The following COL4A2 variants were observed in gnomAD, a reference collection of about 807,000 sequenced individuals.
COL4A2 encodes collagen alpha-2(IV) chain.
In COL4A2, 99 loss-of-function variants were observed where a neutral mutation model predicts 200.2. The observed-to-expected ratio is 0.49, with a 90% confidence interval of 0.42 to 0.58. The LOEUF is 0.58. COL4A2 is among the 20% of genes least tolerant of loss of function. The pLI, the probability that COL4A2 is intolerant of heterozygous loss-of-function variation, is 0.00. For synonymous variants in COL4A2, 897 were observed against 900.6 expected, an observed-to-expected ratio of 1.00 and a Z score of 0.07; for missense variants, 1,950 against 2,314.1, an observed-to-expected ratio of 0.84 and a Z score of 3.23.
intron 3 of COL4A2, among the ~76,000 whole-genome samples, chr13:110,313,954 G>C (rs1218069358): frequency 1.3e-5 from 2 of 152,228 alleles, no homozygotes; most frequent in Admixed American, 6.5e-5. Flanking sequence ...GTCTTCTGTT[G>C]CCTTGGATGA....
rs1156698492 is a variant in COL4A2 at position 110,508,006 on chromosome 13, TA to T, written c.4667del (p.Tyr1556SerfsTer20). ...GTACTGCAACCCTGGTGATGTCTGC[TA>T]CTATGCCAGCCGGAACGACAAGTCC... ...FLYCNPGDVCYYASRNDKSYW... is the reference protein window; with the variant it reads ...FLYCNPGDVCXYASRNDKSYW... On this transcript the variant is annotated frameshift_variant, in exon 47 of 48. Transcript: ENST00000360467. LOFTEE classifies it high-confidence loss of function. This position sits in a 1 kb window ranked among gnomAD's most constrained non-coding sequence, Gnocchi z 6.1. 1 of 1,614,226 alleles carries T rather than the reference TA, an allele frequency of 6.2e-7. No individual in the cohort carries two copies. Among genetic ancestry groups the T allele is most frequent in the Admixed American group, 1.7e-5 (1 of 60,028 alleles).
chr13:110,370,513 C>G (rs1331329624), intron 4 of COL4A2, among the ~76,000 whole-genome samples: 1 of 152,166 alleles, frequency 6.6e-6, no homozygotes, highest in Non-Finnish European at 1.5e-5. Flanking sequence ...CCTTGGCCTC[C>G]CAAAGTGCTG....
chr13:110,473,302 C>T (rs1882554626), intron 29 of COL4A2, 152 bp downstream of exon 29: 1 of 669,514 alleles, frequency 1.5e-6, no homozygotes, highest in Non-Finnish European at 2.4e-6. Flanking sequence ...TCCAGCACTC[C>T]TTTAGAATGT....
chr13:110,405,341 C>T (rs895728614), intron 4 of COL4A2, among the ~76,000 whole-genome samples: 3 of 152,066 alleles, frequency 2.0e-5, no homozygotes, highest in Non-Finnish European at 4.4e-5. Flanking sequence ...AAGGGTGGGA[C>T]TCATGATGTG....
chr13:110,459,139 C>T (rs183130489), intron 22 of COL4A2: 114 of 484,434 alleles, frequency 2.4e-4, no homozygotes, highest in African/African-American at 2.0e-3. Context: ...AGGGGCGCTG[C>T]TGTGGGAACC....
intron 6 of COL4A2, among the ~76,000 whole-genome samples, chr13:110,426,087 G>A (rs1271504880): frequency 6.6e-6 from 1 of 152,114 alleles, no homozygotes; most frequent in African/African-American, 2.4e-5. Flanking sequence ...CTTGAGAAAT[G>A]GACAGAAATG....
Position 110,482,531 on chromosome 13 carries a change from C to G in COL4A2, c.2774C>G (p.Pro925Arg), listed in dbSNP as rs1178852607. 5 of 1,614,048 alleles carry G rather than the reference C, an allele frequency of 3.1e-6. No individual in the cohort carries two copies. The African/African-American group carries it at 6.7e-5, about 22-fold the overall frequency. ...TCCTCTGAAGGAGATAGAGGCTCAC[C>G]TGGGATGGATGGTTTCCAAGGCATG... Reference protein sequence around the residue: ...TPGLKGDRGSPGMDGFQGMPG... With the variant: ...TPGLKGDRGSRGMDGFQGMPG... Residue 925 changes from proline to arginine, a missense_variant, in exon 32 of 48, where the codon CCT becomes CGT. By Grantham distance (103) the Pro-to-Arg change is moderately radical. Around this residue, in one of 2 missense-constraint regions of COL4A2, gnomAD observed 1,385 missense variants for 1,720.5 expected, o/e 0.80. Transcript: ENST00000360467.
chr13:110,350,611 G>A (rs1004045613), intron 3 of COL4A2, among the ~76,000 whole-genome samples: 1 of 152,204 alleles, frequency 6.6e-6, no homozygotes, highest in African/African-American at 2.4e-5. Context: ...CCAGGGTGAT[G>A]GTTCAGTGGT....
chr13:110,408,926 C>T (rs1051487789), intron 4 of COL4A2, among the ~76,000 whole-genome samples: 1 of 57,498 alleles, frequency 1.7e-5, no homozygotes, highest in Non-Finnish European at 3.6e-5. Flanking sequence ...TGCACACACA[C>T]GTACACACGC....
At chr13:110,371,338 T>C (rs1878000102) in intron 4 of COL4A2, among the ~76,000 whole-genome samples, 1 of 152,260 alleles carries the variant, frequency 6.6e-6, no homozygotes, top group South Asian at 2.1e-4. Flanking sequence ...TGTATGTGTG[T>C]GTGCATGTAC....
At chr13:110,397,283 G>T (rs1879213307) in intron 4 of COL4A2, among the ~76,000 whole-genome samples, 2 of 152,218 alleles carry the variant, frequency 1.3e-5, no homozygotes, top group African/African-American at 2.4e-5. Flanking sequence ...GTCTAACAGG[G>T]AAGTGGTTTG....
intron 3 of COL4A2, among the ~76,000 whole-genome samples, chr13:110,334,378 C>T (rs1258631505): frequency 1.1e-4 from 16 of 152,236 alleles, no homozygotes; most frequent in Non-Finnish European, 2.9e-5. Context: ...CTGCACGATG[C>T]CCTAAGGATT....
At chr13:110,395,759 A>G (rs940923650) in intron 4 of COL4A2, among the ~76,000 whole-genome samples, 1 of 152,132 alleles carries the variant, frequency 6.6e-6, no homozygotes, top group African/African-American at 2.4e-5. Context: ...AGCCTGGCCA[A>G]TATGACGAAA....
chr13:110,317,834 A>G (rs1014526983), intron 3 of COL4A2, among the ~76,000 whole-genome samples: 1 of 152,176 alleles, frequency 6.6e-6, no homozygotes, highest in Non-Finnish European at 1.5e-5. Flanking sequence ...TAATTTAGAG[A>G]AAGACTTACT....
chr13:110,363,844 T>C (rs1877627036), intron 4 of COL4A2, among the ~76,000 whole-genome samples: 1 of 152,186 alleles, frequency 6.6e-6, no homozygotes. Context: ...TGTGGGTGTT[T>C]CCGTGGCTAG....
chr13:110,344,321 C>A (rs967279659), intron 3 of COL4A2, among the ~76,000 whole-genome samples: 2 of 152,124 alleles, frequency 1.3e-5, no homozygotes, highest in Non-Finnish European at 2.9e-5. Context: ...GATGACATGA[C>A]AAATAGCCTT....
At chr13:110,390,931 A>G (rs930714533) in intron 4 of COL4A2, among the ~76,000 whole-genome samples, 2 of 152,234 alleles carry the variant, frequency 1.3e-5, no homozygotes, top group African/African-American at 4.8e-5. Context: ...ACATATGTCA[A>G]GTGGAAGCTA....
chr13:110,357,472 G>A lies in COL4A2; in HGVS notation c.100G>A (p.Gly34Ser), dbSNP rs745622067. 2.5e-6 allele frequency: 4 copies of A among 1,586,912 alleles called. No individual in the cohort carries two copies. In the Admixed American group the frequency reaches 5.2e-5, roughly 21 times the overall value. The change falls in exon 4 of 48, where the codon GGT (glycine) becomes AGT (serine). Residue 34 changes from glycine to serine, a missense_variant and splice_region_variant. Coordinates refer to ENST00000360467, the MANE Select transcript of COL4A2 (RefSeq NM_001846.4). Reference sequence around the variant, plus strand: ...TTTGCCTTGTGTTTTATTGTTGCAGGGTGTGAAGAAGTTTGATGTGCCGTG... The same window carrying A: ...TTTGCCTTGTGTTTTATTGTTGCAGAGTGTGAAGAAGTTTGATGTGCCGTG... ...VGFLAQSVLA[G>S]VKKFDVPCGG...
chr13:110,422,090 T>C (rs1053483852), intron 4 of COL4A2, among the ~76,000 whole-genome samples: 1 of 152,152 alleles, frequency 6.6e-6, no homozygotes, highest in African/African-American at 2.4e-5. Context: ...TTATGGGCAA[T>C]AAAGCGACAG....
Sources: gnomAD v4.1 joint callset for allele counts (sites outside exome capture counted in the v4.1 genomes callset) on GRCh38, gnomAD v4.1.1 for gene constraint, gnomAD v4.1.1 regional missense constraint, Gnocchi (gnomAD v3.1) non-coding constraint, MANE v1.5 for transcripts, NCBI Gene and HGNC (gene_info 2026-07-23, HGNC 2026-07-21) for gene names.